Variants in OSBPL9 observed in about 807,000 individuals in gnomAD.
The protein encoded by OSBPL9 is oxysterol binding protein like 9, also known as oxysterol-binding protein-related protein 9.
OSBPL9 carries 40 observed loss-of-function variants against 106.6 expected under a neutral mutation model. That is an observed-to-expected ratio of 0.38 (90% CI 0.29 to 0.49). The LOEUF (loss-of-function observed/expected upper bound fraction) is 0.49. Ranked by LOEUF, OSBPL9 falls within the 20% of genes least tolerant of loss-of-function variation. The pLI is 0.97. For synonymous variants in OSBPL9, 269 were observed against 295.4 expected (o/e 0.91, Z 0.92); for missense variants, 609 against 887.2 (o/e 0.69, Z 3.98).
At chr1:51,528,802 G>C in the OSBPL9 span, among the ~76,000 whole-genome samples, 2 of 151,432 alleles carry the variant, frequency 1.3e-5, no homozygotes, top group East Asian at 3.9e-4. Context: ...CAGCCCTCCA[G>C]GGCAGAGGTT....
the OSBPL9 span, among the ~76,000 whole-genome samples, chr1:51,558,796 G>A: frequency 9.9e-5 from 15 of 152,080 alleles, no homozygotes; most frequent in Admixed American, 5.2e-4. Context: ...TCAGTGCCCC[G>A]GCTTTTCTGG....
chr1:51,651,729 G>C (rs1260857166), intron 1 of OSBPL9, among the ~76,000 whole-genome samples: 1 of 152,108 alleles, frequency 6.6e-6, no homozygotes, highest in African/African-American at 2.4e-5. Context: ...GAATGAAGAA[G>C]GAATGAAAAT....
At chr1:51,575,593 C>T (rs948865132), upstream of OSBPL9, among the ~76,000 whole-genome samples, 1 of 152,142 alleles carries the variant, frequency 6.6e-6, no homozygotes, top group African/African-American at 2.4e-5. Context: ...CCTGAGCTGG[C>T]TCTGTCAGCT....
At chr1:51,783,788 G>C in intron 17 of OSBPL9, 127 bp from the exon 18 acceptor site, 1 of 678,456 alleles carries the variant, frequency 1.5e-6, no homozygotes, top group Non-Finnish European at 2.5e-6. Context: ...GGTACCTCCT[G>C]GCGTAATTGG....
intron 1 of OSBPL9, among the ~76,000 whole-genome samples, chr1:51,619,182 G>A (rs551503933): frequency 5.5e-4 from 84 of 152,266 alleles, no homozygotes; most frequent in African/African-American, 1.7e-3. Context: ...AGAAAATCCC[G>A]TAAACTCTAT....
At chr1:51,608,194 A>G (rs1643961793) in intron 2 of OSBPL9, among the ~76,000 whole-genome samples, 1 of 152,174 alleles carries the variant, frequency 6.6e-6, no homozygotes, top group African/African-American at 2.4e-5. Flanking sequence ...CCAACTCCTG[A>G]GATCTTCTCA....
chr1:51,745,514 A>G, intron 4 of OSBPL9, 22 bp from the exon 5 acceptor site: 1 of 1,607,716 alleles, frequency 6.2e-7, no homozygotes, highest in Non-Finnish European at 8.5e-7. Flanking sequence ...TGGTAGATTT[A>G]TTGCAAATTC....
the OSBPL9 span, among the ~76,000 whole-genome samples, chr1:51,534,425 T>C: frequency 1.3e-5 from 2 of 152,066 alleles, no homozygotes; most frequent in East Asian, 3.8e-4. Flanking sequence ...GCTCATTCAC[T>C]TTTTTTTCCA....
chr1:51,535,394 C>A, the OSBPL9 span, among the ~76,000 whole-genome samples: 1 of 152,146 alleles, frequency 6.6e-6, no homozygotes. Context: ...GTTCTCTGAT[C>A]AGTGAACAAA....
chr1:51,616,657 T>C (rs1399065867), upstream of OSBPL9, among the ~76,000 whole-genome samples: 8 of 152,214 alleles, frequency 5.3e-5, no homozygotes, highest in Non-Finnish European at 1.0e-4. Flanking sequence ...TATTTTACCA[T>C]TCCCCTCACC....
chr1:51,547,449 A>C, the OSBPL9 span, among the ~76,000 whole-genome samples: 1 of 152,250 alleles, frequency 6.6e-6, no homozygotes, highest in Non-Finnish European at 1.5e-5. Context: ...TACAAAACAA[A>C]AATTCACTTT....
chr1:51,588,282 T>C (rs978078236), intron 1 of OSBPL9, among the ~76,000 whole-genome samples: 1 of 152,210 alleles, frequency 6.6e-6, no homozygotes, highest in Non-Finnish European at 1.5e-5. Flanking sequence ...CTCGGGAGGC[T>C]GAGGCAGGAG....
chr1:51,716,193 T>C lies in OSBPL9; in HGVS notation c.318+2114T>C, dbSNP rs749355288. ...TAATACAAGAGGTTTTTTTCCTACA[T>C]TTAATGCATGGAGAAGATAGGACAT... On this transcript the variant is annotated intron_variant, in intron 4 of 23. Transcript: ENST00000428468. 1.4e-4 allele frequency among the ~76,000 whole-genome samples: 21 copies of C among 152,366 alleles called. 1 individual carries two copies. The highest frequency in any genetic ancestry group is 6.8e-3 in the Middle Eastern group (2 of 294).
intron 15 of OSBPL9, among the ~76,000 whole-genome samples, chr1:51,780,006 AG>A (rs1244869375): frequency 6.6e-6 from 1 of 151,094 alleles, no homozygotes; most frequent in Non-Finnish European, 1.5e-5. Context: ...TGAACCCGGC[AG>A]GTGGAGCTTG....
intron 8 of OSBPL9, chr1:51,752,385 C>T: frequency 3.1e-6 from 1 of 325,472 alleles, no homozygotes; most frequent in South Asian, 2.5e-5. Flanking sequence ...TTCCTGACTC[C>T]TGTATCTAAA....
chr1:51,745,533 T>A lies in OSBPL9; in HGVS notation c.319-3T>A. On this transcript the variant is annotated splice_polypyrimidine_tract_variant and splice_region_variant and intron_variant, in intron 4 of 23. Coordinates refer to ENST00000428468, the MANE Select transcript of OSBPL9 (RefSeq NM_024586.6). ...AGATTTATTGCAAATTCTCTTTCTC[T>A]AGGGTTTGGATTCAGGATTTGTTCC... 1.2e-6 allele frequency: 2 copies of A among 1,611,098 alleles called. No homozygotes were observed. Among genetic ancestry groups the A allele is most frequent in the Non-Finnish European group, 1.7e-6 (2 of 1,178,582 alleles).
intron 12 of OSBPL9, among the ~76,000 whole-genome samples, chr1:51,768,641 A>G (rs1673156611): frequency 6.6e-6 from 1 of 152,270 alleles, no homozygotes. Flanking sequence ...ATATGTGGTT[A>G]GCTCTTGGTA....
At chr1:51,533,841 C>CTTTTTTT in the OSBPL9 span, among the ~76,000 whole-genome samples, 1 of 124,162 alleles carries the variant, frequency 8.1e-6, no homozygotes, top group Non-Finnish European at 1.7e-5. Flanking sequence ...TTTCTTTTTT[C>CTTTTTTT]TTTCTTTTTT....
At chr1:51,719,347 G>A (rs1484482698) in intron 4 of OSBPL9, among the ~76,000 whole-genome samples, 4 of 152,202 alleles carry the variant, frequency 2.6e-5, no homozygotes, top group African/African-American at 9.7e-5. Context: ...GGAGACCAGA[G>A]GGCGTGCTGT....
Sources: allele counts gnomAD v4.1 joint callset (sites outside exome capture counted in the v4.1 genomes callset), GRCh38; gene constraint gnomAD v4.1.1; transcripts MANE v1.5; gene names NCBI Gene and HGNC (gene_info 2026-07-23, HGNC 2026-07-21).